The following PLAGL1 variants were observed in gnomAD, a reference collection of about 807,000 sequenced individuals.
The protein encoded by PLAGL1 is PLAG1 like zinc finger 1.
PLAGL1 carries 1 observed loss-of-function variant against 4.6 expected under a neutral mutation model. The ratio of observed to expected loss-of-function variants is 0.22; its 90% confidence interval spans 0.08 to 1.03. PLAGL1 has a LOEUF of 1.03. Among genes scored for constraint, PLAGL1 ranks in the 50% least tolerant of loss-of-function variants. PLAGL1 has a pLI of 0.58. For synonymous variants in PLAGL1, 240 were observed against 237.8 expected, an observed-to-expected ratio of 1.01 and a Z score of -0.08; for missense variants, 464 against 570.4, an observed-to-expected ratio of 0.81 and a Z score of 1.90.
chr6:143,950,171 C>T lies in PLAGL1; in HGVS notation c.-324-1711G>A, dbSNP rs1780733416. 6.6e-6 allele frequency among the ~76,000 whole-genome samples: 1 copy of T among 152,152 alleles called. No individual in the cohort carries two copies. Among genetic ancestry groups the T allele is most frequent in the Admixed American group, 6.5e-5 (1 of 15,276 alleles). ...GTCAGCGCTAATCCAAACCAGGGGA[C>T]ACACAGGAGTCCTCGGCCAGCACCT... On this transcript the variant is annotated intron_variant, in intron 6 of 7. Coordinates refer to ENST00000674357, the MANE Select transcript of PLAGL1 (RefSeq NM_001317162.2). This position sits in a 1 kb window ranked among gnomAD's most constrained non-coding sequence, Gnocchi z 6.3.
chr6:143,960,011 C>T lies in PLAGL1; in HGVS notation c.-325+458G>A, dbSNP rs542145278. ...AGCCTCAGGAAGTATGGCTGGATTGCCTCATGTGGCTGGGATGCGACCAGC... is the reference window on the plus strand; with the variant it reads ...AGCCTCAGGAAGTATGGCTGGATTGTCTCATGTGGCTGGGATGCGACCAGC... On this transcript the variant is annotated intron_variant, in intron 6 of 7. Transcript: ENST00000674357. This position sits in a 1 kb window ranked among gnomAD's most constrained non-coding sequence, Gnocchi z 5.7. Among the ~76,000 whole-genome samples the T allele has an allele frequency of 1.2e-4, 19 of 152,308 alleles. No individual in the cohort carries two copies. Among genetic ancestry groups the T allele is most frequent in the African/African-American group, 3.8e-4 (16 of 41,560 alleles).
At position 144,027,502 on chromosome 6, in the gene PLAGL1, G is replaced by A. The variant is rs1357341104; in HGVS notation, c.-151+36966C>T. Among the ~76,000 whole-genome samples the A allele has an allele frequency of 1.3e-5, 2 of 152,128 alleles. No individual in the cohort carries two copies. Among genetic ancestry groups the A allele is most frequent in the South Asian group, 2.1e-4 (1 of 4,826 alleles). On this transcript the variant is annotated intron_variant, in intron 1 of 3. Transcript: ENST00000437412. The surrounding 1 kb of genome is among the most constrained non-coding windows in gnomAD (Gnocchi z 5.8). ...AGGAGAATGCAGATACCACTCAAGAGTGAGGGAGTAGAACAAAAACAGCCA... is the reference window on the plus strand; with the variant it reads ...AGGAGAATGCAGATACCACTCAAGAATGAGGGAGTAGAACAAAAACAGCCA...
At position 143,970,902 on chromosome 6, in the gene PLAGL1, T is replaced by G. The variant is rs6906097; in HGVS notation, c.-543-1924A>C. ...CTTCCCTGGCCTGTCTGTAGTTCTT[T>G]TTTATTAATGTAGACAAAGATATGC... On this transcript the variant is annotated intron_variant, in intron 2 of 7. Transcript: ENST00000674357. The surrounding 1 kb of genome is among the most constrained non-coding windows in gnomAD (Gnocchi z 5.8). 0.042 allele frequency among the ~76,000 whole-genome samples: 6,439 copies of G among 152,254 alleles called. 474 individuals are homozygous for G. The highest frequency in any genetic ancestry group is 0.15 in the African/African-American group (6,043 of 41,500).
intron 1 of PLAGL1, among the ~76,000 whole-genome samples, chr6:144,020,772 T>C (rs1289619912): frequency 1.4e-5 from 2 of 146,918 alleles, no homozygotes; most frequent in Admixed American, 1.4e-4. Context: ...ATTTGTTTTA[T>C]ATATCTATAT....
In PLAGL1 at chr6:143,990,090, C is replaced by T. The variant is rs968186756; in HGVS notation, c.-583-4916G>A. On this transcript the variant is annotated intron_variant, in intron 1 of 7. Coordinates refer to ENST00000674357, the MANE Select transcript of PLAGL1 (RefSeq NM_001317162.2). The surrounding 1 kb of genome is among the most constrained non-coding windows in gnomAD (Gnocchi z 5.4). ...CCTTTTTACTAAAGATACTTGTCAT[C>T]GACACATACTATGCTCTGATATTCC... 6.6e-6 allele frequency among the ~76,000 whole-genome samples: 1 copy of T among 151,972 alleles called. No individual in the cohort carries two copies. The highest frequency in any genetic ancestry group is 1.5e-5 in the Non-Finnish European group (1 of 67,998).
At chr6:144,057,564 G>A (rs1342011889) in intron 1 of PLAGL1, among the ~76,000 whole-genome samples, 2 of 152,136 alleles carry the variant, frequency 1.3e-5, no homozygotes, top group African/African-American at 4.8e-5. Context: ...ATTTCCCAAT[G>A]TACTCGAAAG....
intron 1 of PLAGL1, among the ~76,000 whole-genome samples, chr6:144,023,570 T>C (rs1280995611): frequency 6.6e-6 from 1 of 152,086 alleles, no homozygotes; most frequent in African/African-American, 2.4e-5. Flanking sequence ...GATAAAGTTG[T>C]TTCCCGTGGG....
Position 144,000,866 on chromosome 6 carries a change from A to G in PLAGL1, c.-584+7224T>C, listed in dbSNP as rs1792705331. Among the ~76,000 whole-genome samples, 1 of 152,184 alleles carries G rather than the reference A, an allele frequency of 6.6e-6. No homozygotes were observed. The highest frequency in any genetic ancestry group is 1.5e-5 in the Non-Finnish European group (1 of 67,984). Reference sequence around the variant, plus strand: ...GGAAAAACATCCTTTAAAATGTCAGATATTTGTAATTCTTCATGTCATCAA... The same window carrying G: ...GGAAAAACATCCTTTAAAATGTCAGGTATTTGTAATTCTTCATGTCATCAA... On this transcript the variant is annotated intron_variant, in intron 1 of 7. Transcript: ENST00000674357. The surrounding 1 kb of genome is among the most constrained non-coding windows in gnomAD (Gnocchi z 4.1).
chr6:144,001,368 A>G (rs1792843794), intron 1 of PLAGL1, among the ~76,000 whole-genome samples: 1 of 152,082 alleles, frequency 6.6e-6, no homozygotes, highest in Admixed American at 6.5e-5. Flanking sequence ...AATCAATGGG[A>G]AAAAAGGGAC....
chr6:144,002,113 T>C (rs904472577), intron 1 of PLAGL1, among the ~76,000 whole-genome samples: 8 of 152,208 alleles, frequency 5.3e-5, no homozygotes, highest in Non-Finnish European at 1.0e-4. Context: ...TTATGTAAGA[T>C]GTTAACATGA....
At chr6:144,023,768 CTTT>C (rs34002736) in intron 1 of PLAGL1, among the ~76,000 whole-genome samples, 55 of 72,652 alleles carry the variant, frequency 7.6e-4, no homozygotes, top group Non-Finnish European at 1.3e-3. Context: ...TCATATTTAG[CTTT>C]TTTTTTTTTT....
intron 6 of PLAGL1, among the ~76,000 whole-genome samples, chr6:143,951,986 G>T (rs56224003): frequency 0.028 from 4,192 of 152,010 alleles, 85 homozygotes; most frequent in Middle Eastern, 0.048. Flanking sequence ...TTCCATATGG[G>T]CCTTAGAATA....
rs1316954248 is a variant in PLAGL1 at position 143,952,889 on chromosome 6, T to C, written c.-324-4429A>G. 6.6e-6 allele frequency among the ~76,000 whole-genome samples: 1 copy of C among 152,168 alleles called. No homozygotes were observed. The highest frequency in any genetic ancestry group is 1.9e-4 in the East Asian group (1 of 5,188). On this transcript the variant is annotated intron_variant, in intron 6 of 7. Coordinates refer to ENST00000674357, the MANE Select transcript of PLAGL1 (RefSeq NM_001317162.2). This position sits in a 1 kb window ranked among gnomAD's most constrained non-coding sequence, Gnocchi z 6.1. ...GTTCTTTGAAGGACTTTGGTAGCAG[T>C]CTCTATCAAATTTAAAAAAGCTATT...
At chr6:144,033,950 C>T (rs939993224) in intron 1 of PLAGL1, among the ~76,000 whole-genome samples, 2 of 152,148 alleles carry the variant, frequency 1.3e-5, no homozygotes, top group African/African-American at 4.8e-5. Context: ...GCTCCAAACA[C>T]TCAAGAATGT....
chr6:144,011,114 T>A, upstream of PLAGL1, among the ~76,000 whole-genome samples: 1 of 152,146 alleles, frequency 6.6e-6, no homozygotes, highest in Non-Finnish European at 1.5e-5. The surrounding 1 kb of genome is among the most constrained non-coding windows in gnomAD (Gnocchi z 4.3). Context: ...TGGGATCTAA[T>A]TAAACTAAAG....
In PLAGL1 at chr6:143,982,210, T is replaced by C. The variant is rs956133693; in HGVS notation, c.-544+2925A>G. ...CAGGAAGTGCTAAGAGATTTAGCAG[T>C]GAAAACAGTGTCAATTTAAAACAGG... On this transcript the variant is annotated intron_variant, in intron 2 of 7. Transcript: ENST00000674357. The surrounding 1 kb of genome is among the most constrained non-coding windows in gnomAD (Gnocchi z 5.3). 6.6e-6 allele frequency among the ~76,000 whole-genome samples: 1 copy of C among 151,464 alleles called. No individual in the cohort carries two copies. The highest frequency in any genetic ancestry group is 1.5e-5 in the Non-Finnish European group (1 of 67,890).
rs1790053481 is a variant in PLAGL1, at chr6:143,989,853, C to T, written c.-583-4679G>A. 6.6e-6 allele frequency among the ~76,000 whole-genome samples: 1 copy of T among 152,180 alleles called. No individual in the cohort carries two copies. Among genetic ancestry groups the T allele is most frequent in the Non-Finnish European group, 1.5e-5 (1 of 68,036 alleles). Reference sequence around the variant, plus strand: ...ACCTTCTCTCCTATCTTCCAATTGCCTTCCCCACTCCTAATACTTAACACA... The same window carrying T: ...ACCTTCTCTCCTATCTTCCAATTGCTTTCCCCACTCCTAATACTTAACACA... On this transcript the variant is annotated intron_variant, in intron 1 of 7. Coordinates refer to ENST00000674357, the MANE Select transcript of PLAGL1 (RefSeq NM_001317162.2). This position sits in a 1 kb window ranked among gnomAD's most constrained non-coding sequence, Gnocchi z 4.8.
chr6:144,018,845 T>C (rs1795756629), intron 1 of PLAGL1, among the ~76,000 whole-genome samples: 1 of 152,096 alleles, frequency 6.6e-6, no homozygotes, highest in Admixed American at 6.5e-5. Context: ...ATCTTAATGA[T>C]GGAATAATTA....
In PLAGL1 at chr6:143,948,057, G is replaced by A; in HGVS notation, c.80C>T (p.Ser27Phe). The A allele has an allele frequency of 6.2e-7, 1 of 1,613,996 alleles. No individual in the cohort carries two copies. Among genetic ancestry groups the A allele is most frequent in the Non-Finnish European group, 8.5e-7 (1 of 1,179,844 alleles). The change falls in exon 7 of 8, where the codon TCC (serine) becomes TTC (phenylalanine). Residue 27 changes from serine (S) to phenylalanine (F), a missense_variant. Around this residue, in one of 4 missense-constraint regions of PLAGL1, gnomAD observed 161 missense variants for 196.7 expected, o/e 0.82. Transcript: ENST00000674357. The surrounding 1 kb of genome is among the most constrained non-coding windows in gnomAD (Gnocchi z 6.0). ...CACACACTTGTACGGCCGCTCCCTGGAGTGGGAATAATTGTGAATCGTGAA... is the reference window on the plus strand; with the variant it reads ...CACACACTTGTACGGCCGCTCCCTGAAGTGGGAATAATTGTGAATCGTGAA... Reference protein sequence around the residue: ...EKFTIHNYSHSRERPYKCVQP... With the variant: ...EKFTIHNYSHFRERPYKCVQP...
Sources: allele counts gnomAD v4.1 joint callset (sites outside exome capture counted in the v4.1 genomes callset), GRCh38; gene constraint gnomAD v4.1.1; regional missense constraint gnomAD v4.1.1; non-coding constraint Gnocchi (gnomAD v3.1); transcripts MANE v1.5; gene names NCBI Gene and HGNC (gene_info 2026-07-23, HGNC 2026-07-21).